The following SHC2 variants were observed in gnomAD, a reference collection of about 807,000 sequenced individuals.
SHC2 encodes the protein SHC-transforming protein 2.
SHC2 carries 62 observed loss-of-function variants against 60.6 expected under a neutral mutation model. The observed-to-expected ratio is 1.02, with a 90% CI of 0.83 to 1.26. SHC2 has a LOEUF of 1.26. Ranked by LOEUF, SHC2 falls within the 50% of genes most tolerant of loss-of-function variation. The probability of loss-of-function intolerance (pLI) is 0.00; values close to 1 mark genes in which losing one functional copy is unlikely to be tolerated. For missense variants in SHC2, 873 were observed against 822.2 expected (o/e 1.06, Z -0.76); for synonymous variants, 375 against 372.4 (o/e 1.01, Z -0.08).
In SHC2 at chr19:417,002, G is replaced by A. The variant is rs1193124982; in HGVS notation, c.*326C>T. 1.3e-5 allele frequency: 2 copies of A among 152,822 alleles called. No individual in the cohort carries two copies. The highest frequency in any genetic ancestry group is 2.9e-5 in the Non-Finnish European group (2 of 68,170). 9.5% of individuals were successfully genotyped at this position (152,822 alleles called of 1,614,324 possible). A position where few individuals can be genotyped will look rare whatever the true frequency, so the allele number is the denominator to read the frequency against. ...GCGTTAGACCGAACCAGCCAGGCGAGAGGGGGACCCAAGGGCCAGGGCTCC... is the reference window on the plus strand; with the variant it reads ...GCGTTAGACCGAACCAGCCAGGCGAAAGGGGGACCCAAGGGCCAGGGCTCC... On this transcript the variant is annotated 3_prime_UTR_variant, in exon 13 of 13. Transcript: ENST00000264554.
At position 438,551 on chromosome 19, in the gene SHC2, G is replaced by A. The variant is rs369391554; in HGVS notation, c.720+167C>T. Reference sequence around the variant, plus strand: ...GGTGGGAGCCCCTGAGCTGAGCCCCGTGAGGGCAGTGGCTGCACCCCCAGC... The same window carrying A: ...GGTGGGAGCCCCTGAGCTGAGCCCCATGAGGGCAGTGGCTGCACCCCCAGC... On this transcript the variant is annotated intron_variant, in intron 4 of 12. Transcript: ENST00000264554. The surrounding 1 kb of genome is among the most constrained non-coding windows in gnomAD (Gnocchi z 5.0). Among the ~76,000 whole-genome samples, 195 of 152,274 alleles carry A rather than the reference G, an allele frequency of 1.3e-3. No homozygotes were observed. Among genetic ancestry groups the A allele is most frequent in the South Asian group, 0.013 (61 of 4,828 alleles).
chr19:433,578 G>A (rs1974631609), intron 8 of SHC2, among the ~76,000 whole-genome samples: 1 of 57,892 alleles, frequency 1.7e-5, no homozygotes, highest in Non-Finnish European at 2.9e-5. Flanking sequence ...TTCATCGTGA[G>A]TGAGATAGTG....
chr19:434,511 C>T (rs796255234), intron 8 of SHC2, among the ~76,000 whole-genome samples, 198 bp downstream of exon 8: 8 of 622 alleles, frequency 0.013, 1 homozygote, highest in Admixed American at 0.05. Flanking sequence ...TGAGTGAGAT[C>T]GTGAGCCTGT....
At chr19:418,422 A>G (rs1974200990) in intron 12 of SHC2, among the ~76,000 whole-genome samples, 1 of 152,256 alleles carries the variant, frequency 6.6e-6, no homozygotes, top group Admixed American at 6.5e-5. Flanking sequence ...CAACCTGCAC[A>G]CAAAGGCTCA....
intron 1 of SHC2, among the ~76,000 whole-genome samples, chr19:442,474 G>A (rs1340747370): frequency 3.2e-5 from 4 of 126,850 alleles, no homozygotes; most frequent in African/African-American, 6.3e-5. Context: ...TGGGTGGATG[G>A]GTGGGTGGAT....
At chr19:457,129 T>C in intron 1 of SHC2, among the ~76,000 whole-genome samples, 1 of 139,562 alleles carries the variant, frequency 7.2e-6, no homozygotes, top group Non-Finnish European at 1.6e-5. Flanking sequence ...GTGCCCCGAC[T>C]AGAACTCTGT....
In SHC2 at chr19:440,689, G is replaced by A. The variant is rs1376509825; in HGVS notation, c.539+173C>T. 6.6e-6 allele frequency among the ~76,000 whole-genome samples: 1 copy of A among 152,230 alleles called. No homozygotes were observed. The highest frequency in any genetic ancestry group is 1.5e-5 in the Non-Finnish European group (1 of 68,034). ...CAGGGCACGGTGACCGACACCTGGC[G>A]TGGGGACAGGGCGGAGACGTGGCGT... On this transcript the variant is annotated intron_variant, in intron 2 of 12. Transcript: ENST00000264554. The surrounding 1 kb of genome is among the most constrained non-coding windows in gnomAD (Gnocchi z 7.0).
chr19:443,477 AATGG>A (rs570206693), intron 1 of SHC2, among the ~76,000 whole-genome samples: 45 of 66,436 alleles, frequency 6.8e-4, no homozygotes, highest in African/African-American at 2.1e-3. Flanking sequence ...TGGGTGGATG[AATGG>A]ATGGATGGAT....
At chr19:452,660 C>T (rs1975229578) in intron 1 of SHC2, among the ~76,000 whole-genome samples, 1 of 152,212 alleles carries the variant, frequency 6.6e-6, no homozygotes, top group Non-Finnish European at 1.5e-5. Context: ...TACAGGTACA[C>T]TTGGGTTTCA....
In SHC2 at chr19:436,261, A is replaced by G. The variant is rs1187861219; in HGVS notation, c.857T>C (p.Leu286Pro). ...CACGGTGCTGATGATGCTCTGTGCCAGGCCCTCACAGCACTCCAGGATGTG... is the reference window on the plus strand; with the variant it reads ...CACGGTGCTGATGATGCTCTGTGCCGGGCCCTCACAGCACTCCAGGATGTG... ...ACHILECCEG[L>P]AQSIISTVGQ... Residue 286 changes from leucine (L) to proline (P), a missense_variant, in exon 7 of 13, where the codon CTG (leucine) becomes CCG (proline). Transcript: ENST00000264554. 1.3e-6 allele frequency: 2 copies of G among 1,595,304 alleles called. No individual in the cohort carries two copies. The highest frequency in any genetic ancestry group is 2.3e-5 in the East Asian group (1 of 43,908).
intron 7 of SHC2, among the ~76,000 whole-genome samples, chr19:435,326 T>A (rs902501395): frequency 1.3e-5 from 2 of 152,200 alleles, no homozygotes; most frequent in Non-Finnish European, 2.9e-5. Flanking sequence ...GCACCCCACC[T>A]GGCCCACAGT....
chr19:434,978 C>T (rs948785077), intron 7 of SHC2, 113 bp from the exon 8 acceptor site: 11 of 1,133,450 alleles, frequency 9.7e-6, no homozygotes, highest in Admixed American at 2.6e-5. Flanking sequence ...CCCAGCCCCC[C>T]ACCTGTCACT....
Position 460,954 on chromosome 19 carries a change from CG to C in SHC2, c.42del (p.Ala15ArgfsTer164). ...GTGGGCGCCTCGGGCTCGGGGGGCG[CG>C]GGGGGCGCCGGGGGCGCGCGCCCGC... ...GPGGRAPPAP[P>X]APPEPEAPTT... is the part of the protein sequence containing the mutation. On this transcript the variant is annotated frameshift_variant, in exon 1 of 13. Transcript: ENST00000264554. LOFTEE classifies it high-confidence loss of function. The C allele has an allele frequency of 4.1e-6, 4 of 983,652 alleles. No homozygotes were observed. The highest frequency in any genetic ancestry group is 3.6e-6 in the Non-Finnish European group (3 of 829,750). 60.9% of individuals were successfully genotyped at this position (983,652 alleles called of 1,614,324 possible).
intron 12 of SHC2, among the ~76,000 whole-genome samples, chr19:418,292 G>A (rs962784152): frequency 3.3e-5 from 5 of 152,194 alleles, no homozygotes; most frequent in Non-Finnish European, 4.4e-5. Flanking sequence ...CCAGCACGCC[G>A]CAGGGGTCCA....
intron 4 of SHC2, 75 bp from the exon 5 acceptor site, chr19:436,758 C>T: frequency 7.1e-7 from 1 of 1,402,872 alleles, no homozygotes. Flanking sequence ...TGGACCAGGA[C>T]CACAGCGAAG....
rs118110918 is a variant in SHC2, at chr19:454,087, G to A, written c.468+6442C>T. ...TTCGGGTGAAGCCCAAAGATCAGGC[G>A]TCAAGATTCACCCAGACCGAGCTGT... is the stretch of plus-strand genomic sequence containing the variant. On this transcript the variant is annotated intron_variant, in intron 1 of 12. Coordinates refer to ENST00000264554, the MANE Select transcript of SHC2 (RefSeq NM_012435.3). Among the ~76,000 whole-genome samples the A allele has an allele frequency of 4.8e-3, 735 of 152,292 alleles. 4 individuals carry two copies. The highest frequency in any genetic ancestry group is 7.6e-3 in the Non-Finnish European group (514 of 68,014).
At chr19:431,145 C>T (rs1217474849) in intron 8 of SHC2, among the ~76,000 whole-genome samples, 7 of 152,278 alleles carry the variant, frequency 4.6e-5, no homozygotes, top group African/African-American at 1.4e-4. Context: ...ATCCTCACTG[C>T]CTCTCTGGTG....
chr19:460,532 C>A lies in SHC2; in HGVS notation c.465G>T (p.Val155=). Residue 155 remains valine, a synonymous_variant, in exon 1 of 13, where the codon GTG becomes GTT. Coordinates refer to ENST00000264554, the MANE Select transcript of SHC2 (RefSeq NM_012435.3). ...RVLGPGVSYV[V]RYMGCIEVLR... ...GGGGGGGGTGGGGGGGACTCACCCGCACGACGTAGGAGACCCCGGGCCCCA... is the reference window on the plus strand; with the variant it reads ...GGGGGGGGTGGGGGGGACTCACCCGAACGACGTAGGAGACCCCGGGCCCCA... 9 of 1,361,732 alleles carry A rather than the reference C, an allele frequency of 6.6e-6. No individual in the cohort carries two copies. Among genetic ancestry groups the A allele is most frequent in the Non-Finnish European group, 7.6e-6 (8 of 1,051,784 alleles). 84.4% of individuals were successfully genotyped at this position (1,361,732 alleles called of 1,614,324 possible). A position where few individuals can be genotyped will look rare whatever the true frequency, so the allele number is the denominator to read the frequency against.
At chr19:448,572 G>A (rs1029236462) in intron 1 of SHC2, among the ~76,000 whole-genome samples, 1 of 152,146 alleles carries the variant, frequency 6.6e-6, no homozygotes, top group Non-Finnish European at 1.5e-5. Context: ...TTCCAAATAA[G>A]GACGTGAGTT....
Sources: allele counts gnomAD v4.1 joint callset (sites outside exome capture counted in the v4.1 genomes callset), GRCh38; gene constraint gnomAD v4.1.1; non-coding constraint Gnocchi (gnomAD v3.1); transcripts MANE v1.5; gene names NCBI Gene and HGNC (gene_info 2026-07-23, HGNC 2026-07-21).